Variants in CARMIL1 observed in about 807,000 individuals in gnomAD.
CARMIL1 encodes the protein F-actin-uncapping protein LRRC16A.
In CARMIL1, 90 loss-of-function variants were observed where a neutral mutation model predicts 177.1. That is an observed-to-expected ratio of 0.51 (90% CI 0.43 to 0.61). The LOEUF (loss-of-function observed/expected upper bound fraction) is 0.61, where lower values mean the gene tolerates loss of function less well. Ranked by LOEUF, CARMIL1 falls within the 20% of genes least tolerant of loss-of-function variation. The pLI is 0.00. For missense variants in CARMIL1, 1,380 were observed against 1,667.0 expected, an observed-to-expected ratio of 0.83 and a Z score of 3.00; for synonymous variants, 577 against 606.2, an observed-to-expected ratio of 0.95 and a Z score of 0.71.
intron 29 of CARMIL1, among the ~76,000 whole-genome samples, chr6:25,562,420 G>A (rs541844631): frequency 6.6e-6 from 1 of 151,774 alleles, no homozygotes; most frequent in Non-Finnish European, 1.5e-5. Context: ...GCTAATTTTT[G>A]TATTTTTTAG....
chr6:25,481,977 G>A (rs1802158095), intron 11 of CARMIL1, among the ~76,000 whole-genome samples: 1 of 152,204 alleles, frequency 6.6e-6, no homozygotes, highest in Non-Finnish European at 1.5e-5. Context: ...AAATAGAACT[G>A]TGAGAAAAAG....
intron 4 of CARMIL1, among the ~76,000 whole-genome samples, chr6:25,434,990 C>G (rs150898717): frequency 1.3e-5 from 2 of 152,230 alleles, no homozygotes; most frequent in East Asian, 3.9e-4. Flanking sequence ...CCTATGGGTA[C>G]CCACAGAAAG....
At position 25,500,253 on chromosome 6, in the gene CARMIL1, T is replaced by C. The variant is rs527905468; in HGVS notation, c.1395+18T>C. The C allele has an allele frequency of 1.6e-5, 26 of 1,607,502 alleles. No individual in the cohort carries two copies. In the African/African-American group the frequency reaches 2.0e-4, roughly 12 times the overall value. ...ACTGTGAGGTAAGAACACCCTTAGA[T>C]TGTATACTGGAATAGATAATAGCCT... On this transcript the variant is annotated intron_variant, in intron 17 of 36. Transcript: ENST00000329474.
At chr6:25,484,849 T>C (rs1802468272) in intron 12 of CARMIL1, among the ~76,000 whole-genome samples, 1 of 152,156 alleles carries the variant, frequency 6.6e-6, no homozygotes, top group African/African-American at 2.4e-5. Flanking sequence ...GCTCCATAGG[T>C]CTAGTTTAAG....
chr6:25,465,139 G>T (rs1003475332), intron 8 of CARMIL1, among the ~76,000 whole-genome samples: 1 of 150,218 alleles, frequency 6.7e-6, no homozygotes, highest in East Asian at 1.9e-4. Flanking sequence ...AATCCATCCA[G>T]TGCCACTTAC....
intron 26 of CARMIL1, among the ~76,000 whole-genome samples, chr6:25,549,567 A>G (rs1809865306): frequency 6.6e-6 from 1 of 152,168 alleles, no homozygotes; most frequent in Non-Finnish European, 1.5e-5. Context: ...GGCTTTTGGA[A>G]ACTTCTCAAA....
At chr6:25,436,160 C>G (rs778625083) in intron 5 of CARMIL1, among the ~76,000 whole-genome samples, 12 of 152,042 alleles carry the variant, frequency 7.9e-5, no homozygotes, top group Non-Finnish European at 1.3e-4. Context: ...CTTTTAAAGT[C>G]AGGATTATGG....
chr6:25,556,834 A>T lies in CARMIL1; in HGVS notation c.2726A>T (p.Asp909Val), dbSNP rs868027128. 6.2e-7 allele frequency: 1 copy of T among 1,613,074 alleles called. No homozygotes were observed. Among genetic ancestry groups the T allele is most frequent in the Non-Finnish European group, 8.5e-7 (1 of 1,179,544 alleles). Residue 909 changes from aspartate (D) to valine (V), a missense_variant, in exon 29 of 37, where the codon GAT (aspartate) becomes GTT (valine). By Grantham distance (152) the Asp-to-Val change is radical (BLOSUM62 -3). Coordinates refer to ENST00000329474, the MANE Select transcript of CARMIL1 (RefSeq NM_017640.6). Reference sequence around the variant, plus strand: ...CTAACAGAGATAGAGCGTTTGGAAGATCTGGATACCTGTATGGTAAGACAC... The same window carrying T: ...CTAACAGAGATAGAGCGTTTGGAAGTTCTGGATACCTGTATGGTAAGACAC... Reference protein sequence around the residue: ...EELTEIERLEDLDTCMMTPKS... With the variant: ...EELTEIERLEVLDTCMMTPKS...
intron 2 of CARMIL1, among the ~76,000 whole-genome samples, chr6:25,406,100 G>A (rs1794342309): frequency 6.6e-6 from 1 of 152,174 alleles, no homozygotes; most frequent in Non-Finnish European, 1.5e-5. Flanking sequence ...GTCTAATGGG[G>A]CTGGTAGATA....
intron 29 of CARMIL1, chr6:25,563,127 C>G: frequency 1.7e-6 from 1 of 587,150 alleles, no homozygotes; most frequent in Non-Finnish European, 2.1e-6. Context: ...TTTAATGGCT[C>G]CTGGGTATAG....
intron 2 of CARMIL1, among the ~76,000 whole-genome samples, chr6:25,293,478 T>G (rs961821430): frequency 6.6e-6 from 1 of 152,008 alleles, no homozygotes; most frequent in African/African-American, 2.4e-5. Context: ...CTCGATATCC[T>G]GGGCTCAAGA....
At chr6:25,417,778 C>T (rs1048861309) in intron 2 of CARMIL1, among the ~76,000 whole-genome samples, 1 of 152,166 alleles carries the variant, frequency 6.6e-6, no homozygotes, top group Non-Finnish European at 1.5e-5. Flanking sequence ...ACGATTTCTG[C>T]TCTAATTGAA....
chr6:25,581,746 A>G (rs556810302), intron 31 of CARMIL1, among the ~76,000 whole-genome samples: 48 of 152,312 alleles, frequency 3.2e-4, no homozygotes, highest in Middle Eastern at 6.8e-3. Flanking sequence ...AGGATAGGAA[A>G]TCCTTATTCT....
chr6:25,499,019 G>C (rs527655475), intron 16 of CARMIL1, among the ~76,000 whole-genome samples: 3 of 152,270 alleles, frequency 2.0e-5, no homozygotes, highest in African/African-American at 7.2e-5. Context: ...GGGAGGAGGG[G>C]GGTTTTCATA....
At chr6:25,353,183 T>G (rs1040201271) in intron 2 of CARMIL1, among the ~76,000 whole-genome samples, 4 of 152,224 alleles carry the variant, frequency 2.6e-5, no homozygotes, top group Non-Finnish European at 5.9e-5. Context: ...TCTTAAATAA[T>G]ATGATATCTA....
At chr6:25,449,654 A>G (rs1375102281) in intron 5 of CARMIL1, among the ~76,000 whole-genome samples, 2 of 152,368 alleles carry the variant, frequency 1.3e-5, no homozygotes, top group Admixed American at 6.5e-5. Context: ...TTATAAAACT[A>G]TAACATGGAG....
intron 2 of CARMIL1, among the ~76,000 whole-genome samples, chr6:25,304,677 T>A (rs149704918): frequency 6.6e-6 from 1 of 152,328 alleles, no homozygotes; most frequent in East Asian, 1.9e-4. Flanking sequence ...AGACTGGTAC[T>A]GGTCCACAGC....
chr6:25,295,816 A>G (rs997570916), intron 2 of CARMIL1, among the ~76,000 whole-genome samples: 4 of 152,158 alleles, frequency 2.6e-5, no homozygotes, highest in Non-Finnish European at 4.4e-5. Flanking sequence ...TCCAAGTATC[A>G]TTGTCTTGGC....
chr6:25,279,957 G>C (rs1053141187), intron 1 of CARMIL1, 122 bp downstream of exon 1: 159 of 1,165,932 alleles, frequency 1.4e-4, no homozygotes, highest in Non-Finnish European at 2.0e-4. Context: ...GGGCAGAGTG[G>C]TGTTGGGCAG....
Sources: gnomAD v4.1 joint callset for allele counts (sites outside exome capture counted in the v4.1 genomes callset) on GRCh38, gnomAD v4.1.1 for gene constraint, MANE v1.5 for transcripts, NCBI Gene and HGNC (gene_info 2026-07-23, HGNC 2026-07-21) for gene names.